Variants in RNF125 observed in about 807,000 individuals in gnomAD.
The protein encoded by RNF125 is ring finger protein 125, also known as E3 ubiquitin-protein ligase RNF125.
In RNF125, 21 loss-of-function variants were observed where a neutral mutation model predicts 26.0. The observed-to-expected ratio is 0.81, with a 90% CI of 0.57 to 1.16. The LOEUF is 1.16. Ranked by LOEUF, RNF125 falls within the 50% of genes most tolerant of loss-of-function variation. The pLI is 0.00. For missense variants in RNF125, 270 were observed against 299.4 expected (o/e 0.90, Z 0.72); for synonymous variants, 95 against 109.2 (o/e 0.87, Z 0.81).
At chr18:32,054,086 C>CTTTTTTTTT (rs35616121) in intron 4 of RNF125, among the ~76,000 whole-genome samples, 8 of 88,362 alleles carry the variant, frequency 9.1e-5, no homozygotes, top group Non-Finnish European at 1.3e-4. Context: ...GACATTTGTA[C>CTTTTTTTTT]TTTTTTTTTT....
intron 4 of RNF125, among the ~76,000 whole-genome samples, chr18:32,058,135 A>C (rs936565349): frequency 1.5e-5 from 2 of 129,514 alleles, no homozygotes; most frequent in Non-Finnish European, 3.7e-5. Context: ...CCATCTCTAA[A>C]AAAAAAAAAA....
intron 1 of RNF125, among the ~76,000 whole-genome samples, chr18:32,019,876 G>A (rs2038969339): frequency 6.6e-6 from 1 of 152,142 alleles, no homozygotes; most frequent in East Asian, 1.9e-4. Flanking sequence ...ACTCACAGTT[G>A]GTGCAAAGCC....
intron 4 of RNF125, among the ~76,000 whole-genome samples, chr18:32,061,278 C>A (rs2039432941): frequency 6.6e-6 from 1 of 152,130 alleles, no homozygotes; most frequent in Non-Finnish European, 1.5e-5. Flanking sequence ...CCCACCTTGC[C>A]CTCCCAAAGT....
intron 4 of RNF125, among the ~76,000 whole-genome samples, chr18:32,064,558 ATC>A (rs2039467206): frequency 7.5e-6 from 1 of 132,970 alleles, no homozygotes. Flanking sequence ...TCCAAACTAT[ATC>A]ACACACACAC....
chr18:32,085,182 T>G, the RNF125 span, among the ~76,000 whole-genome samples: 1 of 152,066 alleles, frequency 6.6e-6, no homozygotes, highest in East Asian at 1.9e-4. Context: ...GCAAGGGTGG[T>G]TCAGTAGAGG....
chr18:32,038,617 T>TG (rs2039185091), intron 2 of RNF125, among the ~76,000 whole-genome samples: 1 of 152,210 alleles, frequency 6.6e-6, no homozygotes, highest in Non-Finnish European at 1.5e-5. Flanking sequence ...CCTTGCCTGT[T>TG]GCAGTTTTCA....
chr18:32,085,941 A>G, the RNF125 span, among the ~76,000 whole-genome samples: 1 of 152,140 alleles, frequency 6.6e-6, no homozygotes, highest in East Asian at 1.9e-4. Flanking sequence ...AACTACAAAT[A>G]ACCAAAGAAC....
chr18:32,040,786 A>G (rs557001603), intron 2 of RNF125, among the ~76,000 whole-genome samples: 35 of 152,284 alleles, frequency 2.3e-4, no homozygotes, highest in African/African-American at 8.4e-4. Context: ...ATCTTTGTTG[A>G]ACAAAGAATA....
At chr18:32,025,805 A>G (rs1227399729) in intron 1 of RNF125, among the ~76,000 whole-genome samples, 1 of 151,738 alleles carries the variant, frequency 6.6e-6, no homozygotes, top group Non-Finnish European at 1.5e-5. Context: ...AGGCCTCTTC[A>G]TGTGGTATCA....
In RNF125 at chr18:32,071,552, TA is replaced by T. The variant is rs1267591534; in HGVS notation, c.*3170del. Reference sequence around the variant, plus strand: ...TAAGGATGCAAAGAAGCCATGAAAATAAGTAATATCAACTCCTGAGGATAAA... The same window carrying T: ...TAAGGATGCAAAGAAGCCATGAAAATAGTAATATCAACTCCTGAGGATAAA... On this transcript the variant is annotated 3_prime_UTR_variant, in exon 6 of 6. Coordinates refer to ENST00000217740, the MANE Select transcript of RNF125 (RefSeq NM_017831.4). 6.6e-6 allele frequency: 1 copy of T among 152,206 alleles called. No homozygotes were observed. The highest frequency in any genetic ancestry group is 1.9e-4 in the East Asian group (1 of 5,192). The allele number at this position is 152,206 out of a possible 1,614,324, so 9.4% of individuals were successfully genotyped here. A position where few individuals can be genotyped will look rare whatever the true frequency, so the allele number is the denominator to read the frequency against.
chr18:32,032,365 A>T (rs1267860207), intron 1 of RNF125, among the ~76,000 whole-genome samples: 3 of 147,476 alleles, frequency 2.0e-5, no homozygotes, highest in African/African-American at 7.6e-5. Context: ...GGCAGAAGCC[A>T]CCATGCCTGG....
chr18:32,078,414 T>C, the RNF125 span, among the ~76,000 whole-genome samples: 1 of 67,884 alleles, frequency 1.5e-5, no homozygotes, highest in African/African-American at 3.2e-5. Context: ...TCACTGTCAT[T>C]AGATAGGTGA....
chr18:32,053,236 C>A (rs1331131495), intron 4 of RNF125, among the ~76,000 whole-genome samples: 1 of 152,012 alleles, frequency 6.6e-6, no homozygotes, highest in African/African-American at 2.4e-5. Context: ...GTGGTACATA[C>A]CTGTAATCCC....
intron 5 of RNF125, among the ~76,000 whole-genome samples, chr18:32,067,452 G>T (rs336281): frequency 0.46 from 70,540 of 152,076 alleles, 16,727 homozygotes; most frequent in African/African-American, 0.58. Context: ...GAAGTGAACT[G>T]GAAGTAGTGT....
chr18:32,082,835 G>T, the RNF125 span, among the ~76,000 whole-genome samples: 1 of 152,174 alleles, frequency 6.6e-6, no homozygotes, highest in South Asian at 2.1e-4. Context: ...AGACCCTAAG[G>T]TCCTCAGGGC....
chr18:32,076,232 A>G (rs1490066066), downstream of RNF125: 12 of 451,732 alleles, frequency 2.7e-5, no homozygotes, highest in Non-Finnish European at 4.6e-5. Flanking sequence ...GGCATTGTTG[A>G]TGCTCTTGAG....
At chr18:32,040,115 T>C (rs2039201306) in intron 2 of RNF125, among the ~76,000 whole-genome samples, 1 of 151,868 alleles carries the variant, frequency 6.6e-6, no homozygotes, top group South Asian at 2.1e-4. Context: ...TTCCTTTCTG[T>C]GTTATCCCTC....
At chr18:32,055,470 G>C (rs1388742941) in intron 4 of RNF125, among the ~76,000 whole-genome samples, 1 of 152,114 alleles carries the variant, frequency 6.6e-6, no homozygotes, top group Non-Finnish European at 1.5e-5. Flanking sequence ...GGCTGGGGTG[G>C]CCTCAGGAAT....
rs750025102 is a variant in RNF125, at chr18:32,072,853, C to T, written c.*4469C>T. ...AAAGATTGGATTGATTGTGAATCTACACTAAAGATATGGTTCCAGGCAGAC... is the reference window on the plus strand; with the variant it reads ...AAAGATTGGATTGATTGTGAATCTATACTAAAGATATGGTTCCAGGCAGAC... On this transcript the variant is annotated 3_prime_UTR_variant, in exon 6 of 6. Coordinates refer to ENST00000217740, the MANE Select transcript of RNF125 (RefSeq NM_017831.4). 6.6e-6 allele frequency: 1 copy of T among 152,176 alleles called. No individual in the cohort carries two copies. 9.4% of individuals were successfully genotyped at this position (152,176 alleles called of 1,614,324 possible).
Sources: gnomAD v4.1 joint callset for allele counts (sites outside exome capture counted in the v4.1 genomes callset) on GRCh38, gnomAD v4.1.1 for gene constraint, MANE v1.5 for transcripts, NCBI Gene and HGNC (gene_info 2026-07-23, HGNC 2026-07-21) for gene names.